Variants in SNTG1 observed in about 807,000 individuals in gnomAD.
The protein encoded by SNTG1 is gamma-1-syntrophin.
In SNTG1, 39 loss-of-function variants were observed where a neutral mutation model predicts 74.7. The ratio of observed to expected loss-of-function variants is 0.52; its 90% confidence interval spans 0.40 to 0.68. The LOEUF (loss-of-function observed/expected upper bound fraction) is 0.68. Among genes scored for constraint, SNTG1 ranks in the 30% least tolerant of loss-of-function variants. The pLI is 0.00. For missense variants in SNTG1, 685 were observed against 609.5 expected (o/e 1.12, Z -1.30); for synonymous variants, 254 against 217.1 (o/e 1.17, Z -1.49).
intron 1 of SNTG1, among the ~76,000 whole-genome samples, chr8:50,102,925 G>T (rs1238309595): frequency 6.6e-6 from 1 of 151,028 alleles, no homozygotes; most frequent in Admixed American, 6.6e-5. Context: ...CTATATCTTT[G>T]TTTTGGTACC....
intron 13 of SNTG1, among the ~76,000 whole-genome samples, chr8:50,592,691 G>T (rs929044918): frequency 1.3e-5 from 2 of 151,988 alleles, no homozygotes; most frequent in Non-Finnish European, 2.9e-5. Flanking sequence ...TTATTTGCTA[G>T]CCTGTTAATA....
At chr8:50,283,013 G>A (rs749636973) in intron 2 of SNTG1, among the ~76,000 whole-genome samples, 8 of 152,176 alleles carry the variant, frequency 5.3e-5, no homozygotes, top group Non-Finnish European at 8.8e-5. Context: ...AATGGTAAAT[G>A]CTTCAACAAT....
chr8:50,053,136 A>G (rs1819719227), intron 1 of SNTG1, among the ~76,000 whole-genome samples: 1 of 152,198 alleles, frequency 6.6e-6, no homozygotes, highest in South Asian at 2.1e-4. Flanking sequence ...AAAAAGGGTC[A>G]TAGTGGAATT....
intron 13 of SNTG1, among the ~76,000 whole-genome samples, chr8:50,652,855 A>G (rs2095156595): frequency 6.6e-6 from 1 of 151,916 alleles, no homozygotes; most frequent in African/African-American, 2.4e-5. Context: ...ATGTTATCAG[A>G]TATAAAAAAA....
intron 12 of SNTG1, among the ~76,000 whole-genome samples, chr8:50,572,155 A>G (rs1016356270): frequency 4.1e-4 from 62 of 152,138 alleles, no homozygotes; most frequent in African/African-American, 1.3e-3. Flanking sequence ...ACCTGCCCCT[A>G]TGAGAAGATT....
intron 3 of SNTG1, among the ~76,000 whole-genome samples, chr8:50,395,085 G>A (rs1471585816): frequency 6.6e-6 from 1 of 152,056 alleles, no homozygotes; most frequent in African/African-American, 2.4e-5. Context: ...TGTTACTTTA[G>A]TGAAATGTCA....
chr8:50,160,959 A>C (rs1267505462), intron 1 of SNTG1, among the ~76,000 whole-genome samples: 1 of 152,138 alleles, frequency 6.6e-6, no homozygotes, highest in Non-Finnish European at 1.5e-5. Context: ...CACAGCCACC[A>C]ATGAGAGGGA....
At chr8:50,746,153 A>G (rs2095554695) in intron 17 of SNTG1, among the ~76,000 whole-genome samples, 1 of 152,006 alleles carries the variant, frequency 6.6e-6, no homozygotes, top group South Asian at 2.1e-4. Flanking sequence ...AAAATACATG[A>G]GTATATTCTA....
chr8:50,063,365 A>C (rs1820635758), intron 1 of SNTG1, among the ~76,000 whole-genome samples: 1 of 152,242 alleles, frequency 6.6e-6, no homozygotes. Flanking sequence ...ATTTACTGTC[A>C]TGTATCTTCT....
intron 1 of SNTG1, among the ~76,000 whole-genome samples, chr8:49,929,308 T>A (rs908908343): frequency 6.6e-6 from 1 of 152,208 alleles, no homozygotes; most frequent in African/African-American, 2.4e-5. Flanking sequence ...TAAAGGCCAG[T>A]GACTCATCTG....
At chr8:50,506,646 T>C (rs2094009269) in intron 9 of SNTG1, among the ~76,000 whole-genome samples, 1 of 152,084 alleles carries the variant, frequency 6.6e-6, no homozygotes, top group Non-Finnish European at 1.5e-5. Flanking sequence ...AACAACTGAA[T>C]TTTTATGTTG....
intron 1 of SNTG1, among the ~76,000 whole-genome samples, chr8:50,035,322 G>T (rs543313114): frequency 3.3e-5 from 5 of 152,184 alleles, no homozygotes; most frequent in African/African-American, 1.2e-4. Flanking sequence ...TCACCTCTGT[G>T]GGGGCTCCCT....
chr8:50,113,461 T>C (rs527664967), intron 1 of SNTG1, among the ~76,000 whole-genome samples: 19 of 152,318 alleles, frequency 1.2e-4, no homozygotes, highest in African/African-American at 4.1e-4. Flanking sequence ...TGAAGTTGCT[T>C]ATCAGCTTAA....
At chr8:49,983,804 C>T (rs1435962337) in intron 1 of SNTG1, among the ~76,000 whole-genome samples, 2 of 152,180 alleles carry the variant, frequency 1.3e-5, no homozygotes, top group South Asian at 2.1e-4. Context: ...GTCTTGCCCC[C>T]GTTTAAAGTA....
intron 2 of SNTG1, among the ~76,000 whole-genome samples, chr8:50,337,133 C>T (rs2091168935): frequency 6.6e-6 from 1 of 152,154 alleles, no homozygotes; most frequent in Non-Finnish European, 1.5e-5. Flanking sequence ...ATGTAAATGA[C>T]TTGGCAGTTG....
At chr8:50,504,539 C>G (rs975935681) in intron 9 of SNTG1, among the ~76,000 whole-genome samples, 1 of 152,082 alleles carries the variant, frequency 6.6e-6, no homozygotes, top group Admixed American at 6.6e-5. Context: ...TGCGTGTAAT[C>G]CCAGCATTTT....
At chr8:50,199,226 T>TA (rs986359361) in intron 2 of SNTG1, among the ~76,000 whole-genome samples, 3 of 151,730 alleles carry the variant, frequency 2.0e-5, no homozygotes, top group African/African-American at 4.8e-5. Context: ...TCCTTTTTTT[T>TA]TTTTTTTTGA....
intron 1 of SNTG1, among the ~76,000 whole-genome samples, chr8:50,048,264 C>G (rs1819271242): frequency 6.6e-6 from 1 of 151,866 alleles, no homozygotes; most frequent in African/African-American, 2.4e-5. Flanking sequence ...AATTTGAATT[C>G]TTGAAGATAA....
intron 2 of SNTG1, among the ~76,000 whole-genome samples, chr8:50,357,014 T>C (rs1300129330): frequency 6.6e-6 from 1 of 152,246 alleles, no homozygotes; most frequent in African/African-American, 2.4e-5. Flanking sequence ...ACTTGTGTTA[T>C]ATCCAAAATT....
Sources: allele counts gnomAD v4.1 joint callset (sites outside exome capture counted in the v4.1 genomes callset), GRCh38; gene constraint gnomAD v4.1.1; transcripts MANE v1.5; gene names NCBI Gene and HGNC (gene_info 2026-07-23, HGNC 2026-07-21).